RNF10: variants seen among roughly 807,000 people sequenced by gnomAD.
RNF10 encodes ring finger protein 10.
RNF10 carries 38 observed loss-of-function variants against 91.4 expected under a neutral mutation model. The ratio of observed to expected loss-of-function variants is 0.42; its 90% CI spans 0.32 to 0.54. The LOEUF (loss-of-function observed/expected upper bound fraction) is 0.54, where lower values mean the gene tolerates loss of function less well. Ranked by LOEUF, RNF10 falls within the 20% of genes least tolerant of loss-of-function variation. RNF10 has a pLI of 0.16. For synonymous variants in RNF10, 364 were observed against 366.3 expected, an observed-to-expected ratio of 0.99 and a Z score of 0.07; for missense variants, 945 against 1,012.0, an observed-to-expected ratio of 0.93 and a Z score of 0.90.
chr12:120,557,197 G>T, intron 4 of RNF10, 85 bp from the exon 5 acceptor site: 2 of 1,175,530 alleles, frequency 1.7e-6, no homozygotes, highest in Non-Finnish European at 1.2e-6. Context: ...GAGAGATGCG[G>T]ATGAGAGAGT....
chr12:120,547,379 C>G (rs1872491453), intron 2 of RNF10, among the ~76,000 whole-genome samples: 4 of 152,136 alleles, frequency 2.6e-5, no homozygotes, highest in African/African-American at 9.7e-5. Flanking sequence ...GCAGCCTTGA[C>G]CTCCTGGGCT....
chr12:120,541,591 A>C (rs1167718), intron 1 of RNF10, among the ~76,000 whole-genome samples: 81,322 of 148,820 alleles, frequency 0.55, 24,718 homozygotes, highest in East Asian at 0.78. Flanking sequence ...CCCGCCACCA[A>C]GCCTGGCTAA....
At position 120,571,303 on chromosome 12, in the gene RNF10, GC is replaced by G. The variant is rs1355411122; in HGVS notation, c.2142+13del. 3 of 1,580,410 alleles carry G rather than the reference GC, an allele frequency of 1.9e-6. No homozygotes were observed. Among genetic ancestry groups the G allele is most frequent in the Non-Finnish European group, 2.6e-6 (3 of 1,149,638 alleles). On this transcript the variant is annotated intron_variant, in intron 14 of 16. Coordinates refer to ENST00000325954, the MANE Select transcript of RNF10 (RefSeq NM_014868.5). ...CTTCCTTTGCCCAGGTAAATCCTTT[GC>G]TTGTGAAGCAGCCCAGGGGTATTTA...
Position 120,534,768 on chromosome 12 carries a change from C to T in RNF10, c.-44C>T, listed in dbSNP as rs770446636. 5 of 1,524,912 alleles carry T rather than the reference C, an allele frequency of 3.3e-6. No individual in the cohort carries two copies. Among genetic ancestry groups the T allele is most frequent in the Non-Finnish European group, 4.4e-6 (5 of 1,143,404 alleles). 94.5% of individuals were successfully genotyped at this position (1,524,912 alleles called of 1,614,324 possible). ...ACGCCATGAGCCTGGGTCCCCGCCG[C>T]GCCCGCTCCGCTCCGACTGCCGTCG... On this transcript the variant is annotated 5_prime_UTR_variant, in exon 1 of 17. Transcript: ENST00000325954.
intron 12 of RNF10, among the ~76,000 whole-genome samples, chr12:120,565,927 G>A (rs1361108154): frequency 1.3e-5 from 2 of 152,228 alleles, no homozygotes; most frequent in African/African-American, 2.4e-5. Context: ...TGGAAATTTT[G>A]ATAGACTAGG....
intron 1 of RNF10, among the ~76,000 whole-genome samples, chr12:120,543,957 G>T (rs113973960): frequency 0.16 from 24,908 of 151,596 alleles, 2,612 homozygotes; most frequent in African/African-American, 0.3. Context: ...GCTGGGCATG[G>T]TGGCTCATGC....
chr12:120,560,129 T>G (rs560992688), intron 6 of RNF10, among the ~76,000 whole-genome samples: 1 of 150,828 alleles, frequency 6.6e-6, no homozygotes, highest in African/African-American at 2.4e-5. Flanking sequence ...TTTGAGCTTT[T>G]CTTTTTCTGT....
In RNF10 at chr12:120,560,305, C is replaced by T. The variant is rs376406563; in HGVS notation, c.968-421C>T. Among the ~76,000 whole-genome samples, 21 of 152,012 alleles carry T rather than the reference C, an allele frequency of 1.4e-4. No homozygotes were observed. In the East Asian group the frequency reaches 1.5e-3, roughly 11 times the overall value. On this transcript the variant is annotated intron_variant, in intron 6 of 16. Transcript: ENST00000325954. ...TAGCTGGGATTACAGGCATGCCCTACCAGGCCCGACTAACTTTTTTGTATC... is the reference window on the plus strand; with the variant it reads ...TAGCTGGGATTACAGGCATGCCCTATCAGGCCCGACTAACTTTTTTGTATC...
Position 120,556,098 on chromosome 12 carries a change from C to CT in RNF10, c.646-1181dup, listed in dbSNP as rs559337839. On this transcript the variant is annotated intron_variant, in intron 4 of 16. Transcript: ENST00000325954. The stretch of plus-strand genomic sequence containing the variant: ...GCCACCACGCCCAGCTTCAGTTGCA[C>CT]TTTCAAAGCCACTGATGTGTTTTCT... Among the ~76,000 whole-genome samples the CT allele has an allele frequency of 5.9e-5, 9 of 152,154 alleles. No individual in the cohort carries two copies. In the South Asian group the frequency reaches 1.7e-3, roughly 28 times the overall value.
chr12:120,571,318 C>T, intron 14 of RNF10, 27 bp downstream of exon 14: 1 of 1,510,754 alleles, frequency 6.6e-7, no homozygotes, highest in East Asian at 2.3e-5. Context: ...TGAAGCAGCC[C>T]AGGGGTATTT....
intron 14 of RNF10, among the ~76,000 whole-genome samples, chr12:120,573,177 C>G (rs1876918929): frequency 6.6e-6 from 1 of 152,124 alleles, no homozygotes; most frequent in African/African-American, 2.4e-5. Flanking sequence ...CCACAGTGAT[C>G]ACATTAGAGA....
rs1490462728 is a variant in RNF10, at chr12:120,565,593, C to T, written c.1885+64C>T. On this transcript the variant is annotated intron_variant, in intron 12 of 16. Coordinates refer to ENST00000325954, the MANE Select transcript of RNF10 (RefSeq NM_014868.5). Reference sequence around the variant, plus strand: ...TACGTCGTTGTATAGAACTCTGTGTCTGGGACCTGGGAGCCAGACCTTAGC... The same window carrying T: ...TACGTCGTTGTATAGAACTCTGTGTTTGGGACCTGGGAGCCAGACCTTAGC... The T allele has an allele frequency of 4.3e-6, 6 of 1,391,416 alleles. No individual in the cohort carries two copies. In the South Asian group the frequency reaches 7.2e-5, roughly 17 times the overall value. The allele number at this position is 1,391,416 out of a possible 1,614,324, so 86.2% of individuals were successfully genotyped here. A position where few individuals can be genotyped will look rare whatever the true frequency, so the allele number is the denominator to read the frequency against.
intron 2 of RNF10, among the ~76,000 whole-genome samples, chr12:120,548,722 C>A (rs934158702): frequency 6.7e-6 from 1 of 149,282 alleles, no homozygotes; most frequent in Non-Finnish European, 1.5e-5. Flanking sequence ...AGCAGTGGCG[C>A]AATCTCGGCT....
intron 3 of RNF10, 165 bp from the exon 4 acceptor site, chr12:120,554,553 A>G (rs1306132948): frequency 8.4e-6 from 5 of 596,730 alleles, no homozygotes; most frequent in Middle Eastern, 3.1e-4. Context: ...GGTTCTTTCC[A>G]GAGCTGGAGC....
At chr12:120,568,958 C>T (rs1342773198) in intron 13 of RNF10, among the ~76,000 whole-genome samples, 1 of 151,916 alleles carries the variant, frequency 6.6e-6, no homozygotes, top group Non-Finnish European at 1.5e-5. Context: ...TCTGATTTCT[C>T]AGGCATTCTT....
intron 2 of RNF10, among the ~76,000 whole-genome samples, chr12:120,551,113 G>A (rs1410846030): frequency 1.3e-5 from 2 of 151,436 alleles, no homozygotes; most frequent in Non-Finnish European, 2.9e-5. Flanking sequence ...AGCCTTCCAA[G>A]TAGATGGGAC....
intron 1 of RNF10, 60 bp from the exon 2 acceptor site, chr12:120,546,345 C>A (rs1872331302): frequency 6.7e-7 from 1 of 1,486,208 alleles, no homozygotes; most frequent in Non-Finnish European, 9.2e-7. Context: ...AGGTGGAGGG[C>A]AGTTGGCTAA....
rs774504407 is a variant in RNF10 at position 120,575,911 on chromosome 12, A to G, written c.2320A>G (p.Met774Val). The change falls in exon 16 of 17, where the codon ATG becomes GTG. Residue 774 changes from methionine (M) to valine (V), a missense_variant. Transcript: ENST00000325954. ...CAGCCAAGCTATTGAAGCAGCCTTC[A>G]TGAAACTGGACACACCAGCTACTTC... ...SFSQAIEAAF[M>V]KLDTPATSDP... is the part of the protein sequence containing the mutation. 3 of 1,614,112 alleles carry G rather than the reference A, an allele frequency of 1.9e-6. No homozygotes were observed. The highest frequency in any genetic ancestry group is 2.2e-5 in the East Asian group (1 of 44,880).
chr12:120,575,661 G>A lies in RNF10; in HGVS notation c.2173G>A (p.Val725Met), dbSNP rs1161295380. 1.2e-6 allele frequency: 2 copies of A among 1,614,232 alleles called. No homozygotes were observed. The highest frequency in any genetic ancestry group is 1.3e-5 in the African/African-American group (1 of 75,060). ...MLRVGKAKAD[V>M]WPKTAPKKDE... ...GAGGGTTGGAAAAGCAAAAGCAGATGTGTGGCCCAAAACTGCTCCAAAGAA... is the reference window on the plus strand; with the variant it reads ...GAGGGTTGGAAAAGCAAAAGCAGATATGTGGCCCAAAACTGCTCCAAAGAA... Residue 725 changes from valine (V) to methionine (M), a missense_variant, in exon 15 of 17, where the codon GTG (valine) becomes ATG (methionine). Transcript: ENST00000325954.
Sources: gnomAD v4.1 joint callset for allele counts (sites outside exome capture counted in the v4.1 genomes callset) on GRCh38, gnomAD v4.1.1 for gene constraint, MANE v1.5 for transcripts, NCBI Gene and HGNC (gene_info 2026-07-23, HGNC 2026-07-21) for gene names.